The following RAD21 variants were observed in gnomAD, a reference collection of about 807,000 sequenced individuals.
The protein encoded by RAD21 is RAD21 cohesin complex component, also known as double-strand-break repair protein rad21 homolog.
Under a neutral mutation model 71.5 loss-of-function variants are expected in RAD21, and 18 were observed. The observed-to-expected ratio is 0.25, with a 90% CI of 0.17 to 0.37. RAD21 has a LOEUF of 0.37. Ranked by LOEUF, RAD21 falls within the 10% of genes least tolerant of loss-of-function variation. RAD21 has a pLI of 1.00. For synonymous variants in RAD21, 248 were observed against 254.0 expected, an observed-to-expected ratio of 0.98 and a Z score of 0.22; for missense variants, 493 against 769.1, an observed-to-expected ratio of 0.64 and a Z score of 4.25.
intron 13 of RAD21, among the ~76,000 whole-genome samples, chr8:116,848,683 A>G (rs1361226613): frequency 1.3e-5 from 2 of 152,050 alleles, no homozygotes; most frequent in African/African-American, 2.4e-5. Context: ...CAGGAAAACC[A>G]CAAGCATTCT....
In RAD21 at chr8:116,863,359, C is replaced by T. The variant is rs574359446; in HGVS notation, c.145-100G>A. ...TTTAAAGTTGCCTTATAATCACATA[C>T]ATTTCTCTGTCCTTACCTATAAATT... On this transcript the variant is annotated intron_variant, in intron 2 of 13. Coordinates refer to ENST00000297338, the MANE Select transcript of RAD21 (RefSeq NM_006265.3). The T allele has an allele frequency of 3.6e-4, 473 of 1,307,402 alleles. 1 individual carries two copies. Among genetic ancestry groups the T allele is most frequent in the Non-Finnish European group, 4.7e-4 (444 of 947,866 alleles). The allele number at this position is 1,307,402 out of a possible 1,614,324, so 81.0% of individuals were successfully genotyped here. A position where few individuals can be genotyped will look rare whatever the true frequency, so the allele number is the denominator to read the frequency against.
In RAD21 at chr8:116,874,078, CGCCCA is replaced by C. The variant is rs145748981; in HGVS notation, c.-33+528_-33+532del. 1.2e-3 allele frequency: 188 copies of C among 151,724 alleles called. 1 individual carries two copies. Among genetic ancestry groups the C allele is most frequent in the African/African-American group, 4.4e-3 (180 of 41,146 alleles). 9.4% of individuals were successfully genotyped at this position (151,724 alleles called of 1,614,324 possible). ...CACCCGCCGACCCCCCGCCCCACCC[CGCCCA>C]GCCCCACCAGCTCCGCACTTTCTTG... On this transcript the variant is annotated intron_variant, in intron 1 of 13. Transcript: ENST00000297338.
At chr8:116,853,072 C>A (rs1812388497) in intron 9 of RAD21, among the ~76,000 whole-genome samples, 1 of 152,002 alleles carries the variant, frequency 6.6e-6, no homozygotes, top group Non-Finnish European at 1.5e-5. Flanking sequence ...ACCTTATTAG[C>A]TATCATTTAA....
chr8:116,867,588 C>T (rs768466037), intron 1 of RAD21, among the ~76,000 whole-genome samples: 13 of 152,224 alleles, frequency 8.5e-5, no homozygotes, highest in Non-Finnish European at 5.9e-5. Context: ...CCCTCTTTCA[C>T]GGATTTAAAA....
intron 11 of RAD21, chr8:116,850,986 T>A (rs1651746880): frequency 5.8e-6 from 2 of 342,486 alleles, no homozygotes; most frequent in Non-Finnish European, 1.1e-5. Flanking sequence ...TGACTGCTTA[T>A]CCTAAACCAT....
At position 116,849,014 on chromosome 8, in the gene RAD21, CT is replaced by C. The variant is rs1164210703; in HGVS notation, c.1635del (p.Gly547AlafsTer65). ...CTTTCTTCCTGATCTTGATCGCCCC[CT>C]GATGCATCTTCATCCTGAATAAAAA... is the stretch of plus-strand genomic sequence containing the variant. ...DDEEEEDEDA[S>X]GGDQDQEERR... On this transcript the variant is annotated frameshift_variant, in exon 13 of 14. Transcript: ENST00000297338. LOFTEE classifies it high-confidence loss of function. The C allele has an allele frequency of 6.3e-7, 1 of 1,593,342 alleles. No homozygotes were observed. Among genetic ancestry groups the C allele is most frequent in the Non-Finnish European group, 8.5e-7 (1 of 1,170,666 alleles).
chr8:116,874,587 G>A (rs1295744817), intron 1 of RAD21, 24 bp downstream of exon 1: 3 of 330,592 alleles, frequency 9.1e-6, no homozygotes, highest in Admixed American at 4.3e-5. Flanking sequence ...TGGAGGAAAA[G>A]AAGGGGTCGG....
At chr8:116,865,852 A>G (rs1341048235) in intron 2 of RAD21, among the ~76,000 whole-genome samples, 1 of 151,518 alleles carries the variant, frequency 6.6e-6, no homozygotes, top group Admixed American at 6.6e-5. Context: ...TCTTATAAAC[A>G]CCCCCTTCCT....
At position 116,861,800 on chromosome 8, in the gene RAD21, G is replaced by A. The variant is rs758213269; in HGVS notation, c.374+41C>T. 4.8e-6 allele frequency: 7 copies of A among 1,464,792 alleles called. No individual in the cohort carries two copies. In the South Asian group the frequency reaches 8.0e-5, roughly 17 times the overall value. The allele number at this position is 1,464,792 out of a possible 1,614,324, so 90.7% of individuals were successfully genotyped here. A position where few individuals can be genotyped will look rare whatever the true frequency, so the allele number is the denominator to read the frequency against. ...TTGGAAGCTAATACTACTGCTTATT[G>A]CAGACCAAGTCAACAATTTTTTTTA... On this transcript the variant is annotated intron_variant, in intron 4 of 13. Transcript: ENST00000297338.
In RAD21 at chr8:116,861,729, T is replaced by C. The variant is rs916812772; in HGVS notation, c.374+112A>G. ...ATACTATCCTATATAAATATATATATGCATTTTAGCTGTTAATGTAAAACA... is the reference window on the plus strand; with the variant it reads ...ATACTATCCTATATAAATATATATACGCATTTTAGCTGTTAATGTAAAACA... On this transcript the variant is annotated intron_variant, in intron 4 of 13. Transcript: ENST00000297338. The C allele has an allele frequency of 4.2e-5, 28 of 668,494 alleles. 2 individuals are homozygous for C. In the South Asian group the frequency reaches 4.8e-4, roughly 11 times the overall value. 41.4% of individuals were successfully genotyped at this position (668,494 alleles called of 1,614,324 possible).
intron 5 of RAD21, 87 bp downstream of exon 5, chr8:116,858,265 G>A: frequency 2.9e-6 from 3 of 1,017,896 alleles, no homozygotes; most frequent in South Asian, 3.0e-5. Flanking sequence ...AAGTCTTTCT[G>A]TCTATAGTCT....
intron 2 of RAD21, among the ~76,000 whole-genome samples, chr8:116,864,546 T>C (rs551311775): frequency 2.4e-5 from 3 of 123,148 alleles, no homozygotes; most frequent in African/African-American, 9.0e-5. Flanking sequence ...ATTCAGAATT[T>C]ATCAGACAAT....
At chr8:116,849,778 C>T (rs972332993) in intron 12 of RAD21, among the ~76,000 whole-genome samples, 4 of 152,106 alleles carry the variant, frequency 2.6e-5, no homozygotes, top group Admixed American at 2.6e-4. Context: ...GTAGAAGTGG[C>T]TCTGAAACTA....
At chr8:116,857,200 T>C (rs1812488517) in intron 6 of RAD21, 67 bp downstream of exon 6, 1 of 1,400,002 alleles carries the variant, frequency 7.1e-7, no homozygotes, top group Admixed American at 1.8e-5. Context: ...TTAGCAACTG[T>C]TTCCAAAACT....
intron 13 of RAD21, among the ~76,000 whole-genome samples, chr8:116,848,715 C>A (rs1812293924): frequency 6.6e-6 from 1 of 150,848 alleles, no homozygotes; most frequent in Non-Finnish European, 1.5e-5. Flanking sequence ...TTCCGGCTTA[C>A]TCTTGGCCTA....
At chr8:116,872,114 C>T (rs1812835225) in intron 1 of RAD21, among the ~76,000 whole-genome samples, 1 of 152,100 alleles carries the variant, frequency 6.6e-6, no homozygotes, top group South Asian at 2.1e-4. Flanking sequence ...TAATAAAAAA[C>T]TATAACAACT....
intron 9 of RAD21, 129 bp downstream of exon 9, chr8:116,854,116 A>T (rs1812414539): frequency 1.5e-6 from 1 of 673,978 alleles, no homozygotes; most frequent in South Asian, 2.0e-5. Flanking sequence ...CTGTGATTTA[A>T]GGGAGAAAAA....
intron 8 of RAD21, among the ~76,000 whole-genome samples, chr8:116,854,681 G>A (rs1234270774): frequency 6.6e-6 from 1 of 152,078 alleles, no homozygotes; most frequent in Non-Finnish European, 1.5e-5. Flanking sequence ...ACAAAAATTT[G>A]CTGAATGAGT....
At position 116,857,381 on chromosome 8, in the gene RAD21, G is replaced by A; in HGVS notation, c.574C>T (p.Leu192=). 3.1e-6 allele frequency: 5 copies of A among 1,612,994 alleles called. No individual in the cohort carries two copies. The highest frequency in any genetic ancestry group is 4.2e-6 in the Non-Finnish European group (5 of 1,179,506). The change falls in exon 6 of 14, where the codon CTA becomes TTA. Residue 192 remains leucine (L), a synonymous_variant. Transcript: ENST00000297338. ...MLVSTTTSNL[L]LESEQSTSNL... The stretch of plus-strand genomic sequence containing the variant: ...CTGGTGCTCTGTTCAGACTCTAATA[G>A]GAGGTTAGAAGTAGTAGTGCTTACT...
Sources: gnomAD v4.1 joint callset for allele counts (sites outside exome capture counted in the v4.1 genomes callset) on GRCh38, gnomAD v4.1.1 for gene constraint, MANE v1.5 for transcripts, NCBI Gene and HGNC (gene_info 2026-07-23, HGNC 2026-07-21) for gene names.